Variants in THRAP3 observed in about 807,000 individuals in gnomAD.
THRAP3 encodes the protein thyroid hormone receptor associated protein 3.
A neutral mutation model predicts 101.0 loss-of-function variants in THRAP3; 16 were observed. That is an observed-to-expected ratio of 0.16 (90% CI 0.11 to 0.24). The LOEUF (loss-of-function observed/expected upper bound fraction) is 0.24, where lower values mean the gene tolerates loss of function less well. Ranked by LOEUF, THRAP3 falls within the 10% of genes least tolerant of loss-of-function variation. THRAP3 has a pLI of 1.00. For synonymous variants in THRAP3, 407 were observed against 422.6 expected, an observed-to-expected ratio of 0.96 and a Z score of 0.45; for missense variants, 989 against 1,202.7, an observed-to-expected ratio of 0.82 and a Z score of 2.63.
In THRAP3 at chr1:36,243,651, G is replaced by A. The variant is rs529590348; in HGVS notation, c.-134-15731G>A. Among the ~76,000 whole-genome samples the A allele has an allele frequency of 3.1e-3, 465 of 152,164 alleles. 3 individuals are homozygous for A. Among genetic ancestry groups the A allele is most frequent in the South Asian group, 9.7e-3 (47 of 4,828 alleles). ...CTTCTCAATCCTTTCCCCACCCTTC[G>A]CCCCCTTCTATTCCACAAAACCGCC... On this transcript the variant is annotated intron_variant, in intron 1 of 11. Transcript: ENST00000354618.
chr1:36,253,526 C>T (rs1160592046), intron 1 of THRAP3, among the ~76,000 whole-genome samples: 1 of 152,094 alleles, frequency 6.6e-6, no homozygotes, highest in East Asian at 1.9e-4. Context: ...GAAATTGAAA[C>T]ATTTATTGTC....
upstream of THRAP3, among the ~76,000 whole-genome samples, chr1:36,221,337 A>G (rs779929486): frequency 2.0e-5 from 3 of 151,996 alleles, no homozygotes; most frequent in Non-Finnish European, 2.9e-5. Flanking sequence ...ATGCTATCAG[A>G]GCACTGCACG....
intron 1 of THRAP3, among the ~76,000 whole-genome samples, chr1:36,236,090 T>TAAA (rs562876630): frequency 7.0e-6 from 1 of 141,952 alleles, no homozygotes; most frequent in African/African-American, 2.6e-5. Flanking sequence ...CTACTAAAAA[T>TAAA]AAAAAAAAAA....
intron 2 of THRAP3, among the ~76,000 whole-genome samples, chr1:36,278,661 C>T (rs775707782): frequency 6.6e-5 from 10 of 152,148 alleles, no homozygotes; most frequent in African/African-American, 2.2e-4. Flanking sequence ...TGGTGGATCA[C>T]GCATGTAATC....
Position 36,304,351 on chromosome 1 carries a change from C to T in THRAP3, c.*334C>T. 1 of 253,306 alleles carries T rather than the reference C, an allele frequency of 3.9e-6. No individual in the cohort carries two copies. The highest frequency in any genetic ancestry group is 1.6e-4 in the South Asian group (1 of 6,394). The allele number at this position is 253,306 out of a possible 1,614,324, so 15.7% of individuals were successfully genotyped here. A position where few individuals can be genotyped will look rare whatever the true frequency, so the allele number is the denominator to read the frequency against. ...ATTTTTGTTTCCTATTAGAAACCAA[C>T]AGTTTTGTTCTAATTTCATTTCATT... On this transcript the variant is annotated 3_prime_UTR_variant, in exon 12 of 12. Transcript: ENST00000354618.
rs114467283 is a variant in THRAP3, at chr1:36,258,976, G to A, written c.-134-406G>A. On this transcript the variant is annotated intron_variant, in intron 1 of 11. Coordinates refer to ENST00000354618, the MANE Select transcript of THRAP3 (RefSeq NM_005119.4). ...TTTTTGTGCTTTTATGGGTAGGTAC[G>A]GAGAGTTACTTTACCTTGAAATGCA... Among the ~76,000 whole-genome samples, 964 of 152,300 alleles carry A rather than the reference G, an allele frequency of 6.3e-3. 11 individuals are homozygous for A. Among genetic ancestry groups the A allele is most frequent in the African/African-American group, 0.022 (911 of 41,566 alleles).
chr1:36,216,656 C>G, the THRAP3 span, among the ~76,000 whole-genome samples: 1 of 151,856 alleles, frequency 6.6e-6, no homozygotes, highest in Non-Finnish European at 1.5e-5. Flanking sequence ...CATGGTGGTG[C>G]ATGCCTGTGG....
At chr1:36,274,042 C>CA (rs35623670) in intron 2 of THRAP3, among the ~76,000 whole-genome samples, 3,616 of 78,916 alleles carry the variant, frequency 0.046, 220 homozygotes, top group African/African-American at 0.15. Context: ...GACTCCACCT[C>CA]AAAAAAAAAA....
the THRAP3 span, among the ~76,000 whole-genome samples, chr1:36,213,963 G>A: frequency 6.7e-5 from 6 of 89,280 alleles, no homozygotes; most frequent in East Asian, 2.8e-4. Context: ...AAGAAAGAAG[G>A]AAAGAGAAAG....
intron 1 of THRAP3, among the ~76,000 whole-genome samples, chr1:36,237,127 A>C (rs985005290): frequency 6.6e-6 from 1 of 151,754 alleles, no homozygotes; most frequent in Non-Finnish European, 1.5e-5. Flanking sequence ...GTGCCATTGC[A>C]CTCCAGCTTG....
intron 5 of THRAP3, among the ~76,000 whole-genome samples, chr1:36,290,181 G>A (rs1450800843): frequency 1.3e-5 from 2 of 151,884 alleles, no homozygotes; most frequent in African/African-American, 2.4e-5. Context: ...GTATTTTTGA[G>A]ATAGTCTCTC....
chr1:36,252,573 A>T (rs530657799), intron 1 of THRAP3, among the ~76,000 whole-genome samples: 2 of 152,172 alleles, frequency 1.3e-5, no homozygotes, highest in Non-Finnish European at 2.9e-5. Context: ...TACTTACATG[A>T]CAAGAGAGAA....
chr1:36,256,745 G>GT (rs2124477291), intron 1 of THRAP3, among the ~76,000 whole-genome samples: 1 of 152,284 alleles, frequency 6.6e-6, no homozygotes, highest in South Asian at 2.1e-4. Context: ...CCATTCAGCT[G>GT]TGTTTCTGAC....
chr1:36,251,339 A>T lies in THRAP3; in HGVS notation c.-134-8043A>T, dbSNP rs150048265. Among the ~76,000 whole-genome samples, 112 of 152,338 alleles carry T rather than the reference A, an allele frequency of 7.4e-4. 2 individuals carry two copies. In the East Asian group the frequency reaches 0.013, roughly 18 times the overall value. ...GATCTACTGGACCGGGATAACTCAGATGGGAAAGTTACTTTTCCCCAACCT... is the reference window on the plus strand; with the variant it reads ...GATCTACTGGACCGGGATAACTCAGTTGGGAAAGTTACTTTTCCCCAACCT... On this transcript the variant is annotated intron_variant, in intron 1 of 11. Coordinates refer to ENST00000354618, the MANE Select transcript of THRAP3 (RefSeq NM_005119.4).
At position 36,268,891 on chromosome 1, in the gene THRAP3, A is replaced by G. The variant is rs192725214; in HGVS notation, c.-32+9407A>G. ...CAGGCGCCCGCCACCACGCCCAGCT[A>G]ATTTTTCTATTTTTAGTAGAGATGG... On this transcript the variant is annotated intron_variant, in intron 2 of 11. Coordinates refer to ENST00000354618, the MANE Select transcript of THRAP3 (RefSeq NM_005119.4). Among the ~76,000 whole-genome samples the G allele has an allele frequency of 4.5e-3, 680 of 152,162 alleles. 4 individuals carry two copies. Among genetic ancestry groups the G allele is most frequent in the African/African-American group, 0.016 (645 of 41,514 alleles).
chr1:36,270,318 A>C (rs1645571244), intron 2 of THRAP3, among the ~76,000 whole-genome samples: 1 of 152,024 alleles, frequency 6.6e-6, no homozygotes, highest in African/African-American at 2.4e-5. Flanking sequence ...TGAGCCAGCC[A>C]GGGAGGTTGA....
At chr1:36,282,474 A>G in intron 2 of THRAP3, 59 bp from the exon 3 acceptor site, 1 of 1,253,462 alleles carries the variant, frequency 8.0e-7, no homozygotes, top group Non-Finnish European at 1.1e-6. Flanking sequence ...AAATGTCCAA[A>G]GAGGTTCACA....
At chr1:36,265,613 CTG>C (rs1442740208) in intron 2 of THRAP3, among the ~76,000 whole-genome samples, 1 of 152,006 alleles carries the variant, frequency 6.6e-6, no homozygotes, top group Non-Finnish European at 1.5e-5. Context: ...TACCAAATAA[CTG>C]TAAAGTATAG....
chr1:36,235,170 GA>G (rs1570234096), intron 1 of THRAP3, among the ~76,000 whole-genome samples: 2 of 152,090 alleles, frequency 1.3e-5, no homozygotes, highest in Admixed American at 1.3e-4. Context: ...GGGTTATTGT[GA>G]TGGTTAGATG....
Sources: allele counts gnomAD v4.1 joint callset (sites outside exome capture counted in the v4.1 genomes callset), GRCh38; gene constraint gnomAD v4.1.1; transcripts MANE v1.5; gene names NCBI Gene and HGNC (gene_info 2026-07-23, HGNC 2026-07-21).